The following PRKCH variants were observed in gnomAD, a reference collection of about 807,000 sequenced individuals.
The protein encoded by PRKCH is protein kinase C eta.
In PRKCH, 28 loss-of-function variants were observed where a neutral mutation model predicts 82.5. That is an observed-to-expected ratio of 0.34 (90% CI 0.25 to 0.47). The LOEUF (loss-of-function observed/expected upper bound fraction) is 0.47, where lower values mean the gene tolerates loss of function less well. PRKCH is among the 20% of genes least tolerant of loss of function. The probability of loss-of-function intolerance (pLI) is 1.00; values close to 1 mark genes in which losing one functional copy is unlikely to be tolerated. For missense variants in PRKCH, 705 were observed against 881.8 expected (o/e 0.80, Z 2.54); for synonymous variants, 322 against 327.4 (o/e 0.98, Z 0.18).
intron 10 of PRKCH, among the ~76,000 whole-genome samples, chr14:61,517,520 G>A (rs930876504): frequency 4.6e-5 from 7 of 152,154 alleles, no homozygotes; most frequent in African/African-American, 9.7e-5. Flanking sequence ...ATGACAGCTC[G>A]GGTGTCTGGC....
chr14:61,340,668 A>C (rs1488659103), intron 1 of PRKCH, among the ~76,000 whole-genome samples: 1 of 152,126 alleles, frequency 6.6e-6, no homozygotes, highest in East Asian at 1.9e-4. Flanking sequence ...TGTGGCTTAG[A>C]CAGGCCCGAT....
chr14:61,485,453 T>C (rs1886175991), intron 9 of PRKCH, 49 bp from the exon 10 acceptor site: 1 of 1,593,398 alleles, frequency 6.3e-7, no homozygotes, highest in South Asian at 1.1e-5. Context: ...GATGGAGCTC[T>C]AGGTTAATTG....
chr14:61,248,790 ATGTATGTATG>A (rs879795597), intron 1 of PRKCH, among the ~76,000 whole-genome samples: 806 of 55,502 alleles, frequency 0.015, 11 homozygotes, highest in East Asian at 0.12. Flanking sequence ...GTATGTATGT[ATGTATGTATG>A]TGTGTGTGTG....
intron 10 of PRKCH, chr14:61,525,116 T>G (rs17256254): frequency 1.3e-5 from 2 of 152,128 alleles, no homozygotes; most frequent in Non-Finnish European, 2.9e-5. Context: ...CAGAGCCTTC[T>G]GGAATACAGT....
At chr14:61,384,906 G>A (rs542821341) in intron 1 of PRKCH, among the ~76,000 whole-genome samples, 2 of 152,202 alleles carry the variant, frequency 1.3e-5, no homozygotes, top group African/African-American at 4.8e-5. Flanking sequence ...TTAGGTGTAA[G>A]TTACAATGTA....
intron 1 of PRKCH, among the ~76,000 whole-genome samples, chr14:61,265,846 GC>G (rs1159659442): frequency 6.6e-6 from 1 of 152,204 alleles, no homozygotes; most frequent in Admixed American, 6.5e-5. Flanking sequence ...TGCAATCCCA[GC>G]ACTCTGGAAG....
intron 1 of PRKCH, among the ~76,000 whole-genome samples, chr14:61,265,278 C>G (rs2045088174): frequency 2.0e-5 from 3 of 152,012 alleles, no homozygotes. Context: ...CCCAGGAGTT[C>G]AAGACCAGCT....
chr14:61,300,620 T>C (rs912915507), intron 1 of PRKCH, among the ~76,000 whole-genome samples: 1 of 152,194 alleles, frequency 6.6e-6, no homozygotes, highest in South Asian at 2.1e-4. Context: ...TTTAGGCAGA[T>C]AGTGAGGGTA....
At chr14:61,445,297 C>T (rs1029065197) in intron 3 of PRKCH, among the ~76,000 whole-genome samples, 13 of 152,194 alleles carry the variant, frequency 8.5e-5, no homozygotes, top group Admixed American at 1.3e-4. Context: ...CTCATCTGTG[C>T]ACTTCCACAG....
At chr14:61,506,136 T>G (rs536347764) in intron 10 of PRKCH, among the ~76,000 whole-genome samples, 1 of 152,264 alleles carries the variant, frequency 6.6e-6, no homozygotes, top group Non-Finnish European at 1.5e-5. Context: ...GAGAGCAGCA[T>G]TAGAATTTTA....
chr14:61,412,405 C>G (rs1373861500), intron 2 of PRKCH, among the ~76,000 whole-genome samples: 1 of 152,158 alleles, frequency 6.6e-6, no homozygotes, highest in Non-Finnish European at 1.5e-5. Context: ...TTCTATGACT[C>G]CATCCTTATG....
chr14:61,487,830 CAA>C (rs33953676), intron 10 of PRKCH, among the ~76,000 whole-genome samples: 5 of 141,586 alleles, frequency 3.5e-5, no homozygotes, highest in Admixed American at 7.0e-5. Context: ...CCTATCTCTA[CAA>C]AAAAAAAAAA....
At chr14:61,421,934 G>A (rs1882857301) in intron 2 of PRKCH, among the ~76,000 whole-genome samples, 1 of 152,186 alleles carries the variant, frequency 6.6e-6, no homozygotes, top group South Asian at 2.1e-4. Context: ...AGAGTTAGGA[G>A]AGGAGAGGAA....
chr14:61,377,804 A>G (rs909915356), intron 1 of PRKCH, among the ~76,000 whole-genome samples: 2 of 151,478 alleles, frequency 1.3e-5, no homozygotes, highest in Admixed American at 6.6e-5. Context: ...CACTGATTTC[A>G]CCCTTAGCAA....
At chr14:61,468,064 G>A (rs1342297358) in intron 9 of PRKCH, among the ~76,000 whole-genome samples, 2 of 152,304 alleles carry the variant, frequency 1.3e-5, no homozygotes, top group East Asian at 3.9e-4. Flanking sequence ...TCTCTAATAT[G>A]TACAACTGAG....
chr14:61,323,268 G>T (rs7148876), intron 1 of PRKCH, among the ~76,000 whole-genome samples: 145,498 of 152,232 alleles, frequency 0.96, 69,902 homozygotes, highest in East Asian at 1. Flanking sequence ...ATAGTTCCCA[G>T]GAGGCATAAT....
At chr14:61,339,016 C>G (rs914733726) in intron 1 of PRKCH, among the ~76,000 whole-genome samples, 3 of 152,116 alleles carry the variant, frequency 2.0e-5, no homozygotes, top group African/African-American at 7.2e-5. Flanking sequence ...ATGATACTTA[C>G]GTTAAAAGGA....
chr14:61,333,484 A>C (rs544264369), intron 1 of PRKCH, among the ~76,000 whole-genome samples: 5 of 152,280 alleles, frequency 3.3e-5, no homozygotes, highest in African/African-American at 1.2e-4. Flanking sequence ...TTTTCACTTC[A>C]ATTAATTATA....
chr14:61,457,450 C>A, intron 8 of PRKCH, 56 bp from the exon 9 acceptor site: 2 of 1,596,674 alleles, frequency 1.3e-6, no homozygotes, highest in South Asian at 1.1e-5. Context: ...TGTGTGCACA[C>A]ACCCTAAGAC....
Sources: allele counts gnomAD v4.1 joint callset (sites outside exome capture counted in the v4.1 genomes callset), GRCh38; gene constraint gnomAD v4.1.1; transcripts MANE v1.5; gene names NCBI Gene and HGNC (gene_info 2026-07-23, HGNC 2026-07-21).